Variants in SARNP observed in about 807,000 individuals in gnomAD.
The protein encoded by SARNP is SAP domain-containing ribonucleoprotein.
SARNP carries 5 observed loss-of-function variants against 38.1 expected under a neutral mutation model. The observed-to-expected ratio is 0.13, with a 90% CI of 0.07 to 0.28. SARNP has a LOEUF of 0.28. Among genes scored for constraint, SARNP ranks in the 10% least tolerant of loss-of-function variants. The pLI, the probability that SARNP is intolerant of heterozygous loss-of-function variation, is 1.00. For synonymous variants in SARNP, 84 were observed against 80.6 expected, an observed-to-expected ratio of 1.04 and a Z score of -0.23; for missense variants, 180 against 243.9, an observed-to-expected ratio of 0.74 and a Z score of 1.75.
intron 1 of SARNP, among the ~76,000 whole-genome samples, chr12:55,815,644 G>A (rs1219154562): frequency 6.6e-6 from 1 of 151,788 alleles, no homozygotes; most frequent in African/African-American, 2.4e-5. Flanking sequence ...TTGCATTTTT[G>A]GTAGAGGCGG....
intron 1 of SARNP, among the ~76,000 whole-genome samples, chr12:55,817,353 G>GT (rs1275073489): frequency 6.6e-6 from 1 of 152,202 alleles, no homozygotes; most frequent in Non-Finnish European, 1.5e-5. Flanking sequence ...ACCAACTGAC[G>GT]TAATGCAGCC....
At chr12:55,774,831 A>AT (rs1018807612) in intron 9 of SARNP, among the ~76,000 whole-genome samples, 1 of 151,444 alleles carries the variant, frequency 6.6e-6, no homozygotes, top group African/African-American at 2.4e-5. Context: ...TCCAGATTTA[A>AT]TATTTGTTAC....
chr12:55,754,746 A>G (rs1464013888), downstream of SARNP: 1 of 152,250 alleles, frequency 6.6e-6, no homozygotes, highest in Non-Finnish European at 1.5e-5. Flanking sequence ...ACATGATATG[A>G]GAATATCACT....
chr12:55,781,555 CAAAA>C (rs970248911), intron 9 of SARNP, among the ~76,000 whole-genome samples: 2 of 147,546 alleles, frequency 1.4e-5, no homozygotes, highest in African/African-American at 5.0e-5. Context: ...AAAACAAAAA[CAAAA>C]ACAAACAGAC....
chr12:55,787,502 T>C (rs114587348), intron 9 of SARNP, among the ~76,000 whole-genome samples: 1,710 of 152,228 alleles, frequency 0.011, 25 homozygotes, highest in African/African-American at 0.039. Context: ...AGTAGCACGA[T>C]CTCGGCTCAC....
intron 9 of SARNP, among the ~76,000 whole-genome samples, chr12:55,782,876 T>G (rs1295548834): frequency 1.3e-5 from 2 of 152,168 alleles, no homozygotes; most frequent in Non-Finnish European, 2.9e-5. Context: ...TTTGGGAGGC[T>G]GAGGCTGGCG....
chr12:55,792,096 A>G (rs1269749983), intron 7 of SARNP, among the ~76,000 whole-genome samples: 2 of 152,210 alleles, frequency 1.3e-5, no homozygotes, highest in African/African-American at 2.4e-5. Context: ...GTCTCTTAAA[A>G]AAAATAAAAA....
chr12:55,810,802 C>A (rs959933268), intron 1 of SARNP, among the ~76,000 whole-genome samples: 1 of 151,594 alleles, frequency 6.6e-6, no homozygotes, highest in African/African-American at 2.4e-5. Context: ...GTTGGCCAGG[C>A]GCGGTGGCTC....
intron 8 of SARNP, among the ~76,000 whole-genome samples, chr12:55,790,049 T>C (rs1007320984): frequency 2.6e-5 from 4 of 151,894 alleles, no homozygotes; most frequent in African/African-American, 9.7e-5. Flanking sequence ...TTCATAAAGC[T>C]GATTCTATTT....
At chr12:55,784,584 T>A (rs1879433775) in intron 9 of SARNP, among the ~76,000 whole-genome samples, 1 of 152,226 alleles carries the variant, frequency 6.6e-6, no homozygotes, top group Non-Finnish European at 1.5e-5. Flanking sequence ...TACAATTATT[T>A]AAAAAAATTC....
chr12:55,756,387 A>G (rs1878505539), downstream of SARNP: 1 of 152,192 alleles, frequency 6.6e-6, no homozygotes, highest in African/African-American at 2.4e-5. Flanking sequence ...CCAACCAGAG[A>G]CTTTGGAGAA....
rs1387093950 is a variant in SARNP, at chr12:55,803,728, G to A, written c.37C>T (p.Leu13Phe). 6.2e-7 allele frequency: 1 copy of A among 1,610,388 alleles called. No individual in the cohort carries two copies. The highest frequency in any genetic ancestry group is 2.2e-5 in the East Asian group (1 of 44,844). Residue 13 changes from leucine to phenylalanine, a missense_variant and splice_region_variant, in exon 2 of 11, where the codon CTT becomes TTT. Physicochemically the swap from Leu to Phe is conservative, Grantham distance 22. Around this residue, in one of 2 missense-constraint regions of SARNP, gnomAD observed 161 missense variants for 194.1 expected, o/e 0.83. Coordinates refer to ENST00000336133, the MANE Select transcript of SARNP (RefSeq NM_033082.4). The stretch of plus-strand genomic sequence containing the variant: ...AGACATTCTTGCTTTAGTTCGGCAA[G>A]CTGAGGGGAAAAAAATAAAACTTTT... ...TETVELHKLKLAELKQECLAR... is the reference protein window; with the variant it reads ...TETVELHKLKFAELKQECLAR...
chr12:55,787,741 C>T (rs911336651), intron 9 of SARNP, among the ~76,000 whole-genome samples: 24 of 144,484 alleles, frequency 1.7e-4, no homozygotes, highest in South Asian at 4.3e-4. Flanking sequence ...TGATTTTTTT[C>T]TTTCTTTCTT....
intron 9 of SARNP, among the ~76,000 whole-genome samples, chr12:55,762,305 C>CTTTT (rs199874808): frequency 7.3e-6 from 1 of 137,292 alleles, no homozygotes. Context: ...TTCAAACAAA[C>CTTTT]TTTTTTTTTT....
chr12:55,804,693 A>G (rs116819029), intron 1 of SARNP, among the ~76,000 whole-genome samples: 50 of 152,250 alleles, frequency 3.3e-4, no homozygotes, highest in African/African-American at 1.2e-3. Context: ...ACTGGGCTCT[A>G]TACTCTTATT....
intron 9 of SARNP, among the ~76,000 whole-genome samples, chr12:55,780,091 T>C (rs1340701780): frequency 6.6e-6 from 1 of 152,122 alleles, no homozygotes; most frequent in East Asian, 1.9e-4. Context: ...GAGGCTGCAG[T>C]TAGCTGTGAT....
At chr12:55,778,141 T>C (rs1477744006) in intron 9 of SARNP, among the ~76,000 whole-genome samples, 6 of 151,982 alleles carry the variant, frequency 3.9e-5, no homozygotes, top group African/African-American at 1.5e-4. Flanking sequence ...TTGTTTCCTC[T>C]TTTTTTTAAT....
At chr12:55,761,008 C>T (rs1878658241) in intron 9 of SARNP, among the ~76,000 whole-genome samples, 1 of 151,726 alleles carries the variant, frequency 6.6e-6, no homozygotes, top group Non-Finnish European at 1.5e-5. Flanking sequence ...AACCCCATTT[C>T]GACTAAAAAT....
intron 9 of SARNP, among the ~76,000 whole-genome samples, chr12:55,786,604 C>T (rs967759119): frequency 5.3e-5 from 8 of 152,130 alleles, no homozygotes; most frequent in Non-Finnish European, 5.9e-5. Context: ...CACCTGCCAC[C>T]GCGCCTGGCT....
Sources: allele counts gnomAD v4.1 joint callset (sites outside exome capture counted in the v4.1 genomes callset), GRCh38; gene constraint gnomAD v4.1.1; regional missense constraint gnomAD v4.1.1; transcripts MANE v1.5; gene names NCBI Gene and HGNC (gene_info 2026-07-23, HGNC 2026-07-21).